Variants in DCUN1D4 observed in about 807,000 individuals in gnomAD.
The protein encoded by DCUN1D4 is DCN1-like protein 4.
In DCUN1D4, 22 loss-of-function variants were observed where a neutral mutation model predicts 47.9. The ratio of observed to expected loss-of-function variants is 0.46; its 90% CI spans 0.33 to 0.66. DCUN1D4 has a LOEUF of 0.66. Among genes scored for constraint, DCUN1D4 ranks in the 30% least tolerant of loss-of-function variants. The pLI is 0.02. For synonymous variants in DCUN1D4, 121 were observed against 112.2 expected, an observed-to-expected ratio of 1.08 and a Z score of -0.50; for missense variants, 301 against 340.8, an observed-to-expected ratio of 0.88 and a Z score of 0.92.
In DCUN1D4 at chr4:51,916,788, A is replaced by G. The variant is rs1227173906; in HGVS notation, c.*3204A>G. 6.6e-6 allele frequency: 1 copy of G among 152,610 alleles called. No homozygotes were observed. Among genetic ancestry groups the G allele is most frequent in the Non-Finnish European group, 1.5e-5 (1 of 68,006 alleles). 9.5% of individuals were successfully genotyped at this position (152,610 alleles called of 1,614,324 possible). ...CTGGTTTTAGGTTTCAATGACATTGATGTAAAATGATATCCCATGAATAAA... is the reference window on the plus strand; with the variant it reads ...CTGGTTTTAGGTTTCAATGACATTGGTGTAAAATGATATCCCATGAATAAA... On this transcript the variant is annotated 3_prime_UTR_variant, in exon 11 of 11. Coordinates refer to ENST00000334635, the MANE Select transcript of DCUN1D4 (RefSeq NM_001040402.3).
intron 8 of DCUN1D4, among the ~76,000 whole-genome samples, chr4:51,906,784 C>T (rs1284020899): frequency 2.0e-5 from 3 of 152,188 alleles, no homozygotes; most frequent in Non-Finnish European, 4.4e-5. Context: ...AGCCCACTGG[C>T]CTGTATGTTT....
Position 51,899,286 on chromosome 4 carries a change from A to G in DCUN1D4, c.523A>G (p.Lys175Glu). ...MTSLQCDTTE[K>E]LRNTLDYLRS... ...TTTTTCTAGATGTGATACAACAGAA[A>G]AACTCAGAAATACTTTGGATTACTT... The change falls in exon 8 of 11, where the codon AAA (lysine) becomes GAA (glutamate). Residue 175 changes from lysine (K) to glutamate (E), a missense_variant. By Grantham distance (56) the Lys-to-Glu change is moderately conservative. Coordinates refer to ENST00000334635, the MANE Select transcript of DCUN1D4 (RefSeq NM_001040402.3). 1 of 1,603,340 alleles carries G rather than the reference A, an allele frequency of 6.2e-7. No individual in the cohort carries two copies. The highest frequency in any genetic ancestry group is 8.5e-7 in the Non-Finnish European group (1 of 1,176,824).
intron 5 of DCUN1D4, among the ~76,000 whole-genome samples, chr4:51,879,784 A>C: frequency 6.6e-6 from 1 of 152,226 alleles, no homozygotes; most frequent in Non-Finnish European, 1.5e-5. Context: ...GAAAAAGTAC[A>C]CTTAATCCCA....
In DCUN1D4 at chr4:51,877,930, A is replaced by T. The variant is rs191797916; in HGVS notation, c.343+76A>T. 1,735 of 1,036,094 alleles carry T rather than the reference A, an allele frequency of 1.7e-3. 7 individuals are homozygous for T. The highest frequency in any genetic ancestry group is 0.013 in the African/African-American group (824 of 61,454). The allele number at this position is 1,036,094 out of a possible 1,614,324, so 64.2% of individuals were successfully genotyped here. A position where few individuals can be genotyped will look rare whatever the true frequency, so the allele number is the denominator to read the frequency against. ...TACCTTAGAGATGATTAAAGAATTT[A>T]AAAATGTGTACATTTCAAATTTGGG... is the stretch of plus-strand genomic sequence containing the variant. On this transcript the variant is annotated intron_variant, in intron 5 of 10. Coordinates refer to ENST00000334635, the MANE Select transcript of DCUN1D4 (RefSeq NM_001040402.3).
chr4:51,898,508 G>A (rs1386665562), intron 7 of DCUN1D4, among the ~76,000 whole-genome samples: 4 of 152,216 alleles, frequency 2.6e-5, no homozygotes. Flanking sequence ...GACATTTATA[G>A]TCTCAAAGTA....
the DCUN1D4 span, among the ~76,000 whole-genome samples, chr4:51,835,119 G>A: frequency 1.3e-5 from 2 of 152,194 alleles, no homozygotes; most frequent in African/African-American, 4.8e-5. Flanking sequence ...AATCTGTGTT[G>A]GGGATGCAGG....
chr4:51,910,438 C>T (rs1185211666), intron 8 of DCUN1D4, among the ~76,000 whole-genome samples: 1 of 152,086 alleles, frequency 6.6e-6, no homozygotes, highest in African/African-American at 2.4e-5. Context: ...TCTAAGAAAT[C>T]TATCTATCTA....
chr4:51,863,806 C>T, intron 3 of DCUN1D4, 97 bp downstream of exon 3: 1 of 1,271,172 alleles, frequency 7.9e-7, no homozygotes, highest in Non-Finnish European at 1.1e-6. Context: ...TCATAATGTA[C>T]TCCATTAACA....
In DCUN1D4 at chr4:51,913,302, A is replaced by G; in HGVS notation, c.733A>G (p.Lys245Glu). The G allele has an allele frequency of 6.2e-7, 1 of 1,606,426 alleles. No individual in the cohort carries two copies. The highest frequency in any genetic ancestry group is 8.5e-7 in the Non-Finnish European group (1 of 1,175,220). The change falls in exon 10 of 11, where the codon AAA becomes GAA. Residue 245 changes from lysine to glutamate, a missense_variant. Physicochemically the swap from Lys to Glu is moderately conservative, Grantham distance 56 (BLOSUM62 1). Transcript: ENST00000334635. ...TTCCCTCCATCAGCAATCAAAATAC[A>G]AAGTTATTAATAAAGACCAGTGGTG... ...FHQFLEQSKY[K>E]VINKDQWCNV...
intron 7 of DCUN1D4, among the ~76,000 whole-genome samples, chr4:51,894,199 A>G (rs1049364794): frequency 6.6e-6 from 1 of 152,194 alleles, no homozygotes. Flanking sequence ...TTTTTGTGGT[A>G]TGAAACTCTG....
intron 1 of DCUN1D4, 111 bp downstream of exon 1, chr4:51,843,378 C>T: frequency 7.3e-7 from 1 of 1,374,998 alleles, no homozygotes; most frequent in Non-Finnish European, 9.5e-7. Context: ...CGCCGGGAGC[C>T]CCTGCCTGGG....
intron 4 of DCUN1D4, 36 bp from the exon 5 acceptor site, chr4:51,877,727 C>T (rs1293526191): frequency 4.4e-6 from 6 of 1,368,604 alleles, no homozygotes; most frequent in South Asian, 1.2e-5. Context: ...AACTCAGTAT[C>T]TTTAAATAAC....
chr4:51,904,851 T>C (rs1210158699), intron 8 of DCUN1D4, among the ~76,000 whole-genome samples: 1 of 152,182 alleles, frequency 6.6e-6, no homozygotes, highest in Non-Finnish European at 1.5e-5. Context: ...GAGGTAAAAC[T>C]CAATTAACCA....
rs1731758846 is a variant in DCUN1D4, at chr4:51,899,392, A to T, written c.615+14A>T. The T allele has an allele frequency of 6.3e-7, 1 of 1,594,830 alleles. No individual in the cohort carries two copies. Among genetic ancestry groups the T allele is most frequent in the Non-Finnish European group, 8.5e-7 (1 of 1,171,310 alleles). On this transcript the variant is annotated intron_variant, in intron 8 of 10. Transcript: ENST00000334635. ...GACTTTGCACGGGTGAGTTCTCTGG[A>T]GCCTATCCAGATGTTTCCCTCTCTT...
In DCUN1D4 at chr4:51,853,931, G is replaced by A. The variant is rs75552905; in HGVS notation, c.26-9506G>A. On this transcript the variant is annotated intron_variant, in intron 1 of 10. Coordinates refer to ENST00000334635, the MANE Select transcript of DCUN1D4 (RefSeq NM_001040402.3). ...TAGTGCTTCCCCTGTGCCACGCACT[G>A]TTTGAAGCACAGTGCAGCATTAACT... 9.3e-3 allele frequency among the ~76,000 whole-genome samples: 1,422 copies of A among 152,308 alleles called. 9 individuals are homozygous for A. Among genetic ancestry groups the A allele is most frequent in the Non-Finnish European group, 0.013 (868 of 68,034 alleles).
intron 1 of DCUN1D4, among the ~76,000 whole-genome samples, chr4:51,857,519 G>A (rs1724320916): frequency 6.6e-6 from 1 of 152,212 alleles, no homozygotes; most frequent in South Asian, 2.1e-4. Context: ...CCTGTACAGA[G>A]TTTGGTGGAA....
At chr4:51,896,757 T>G (rs1334359494) in intron 7 of DCUN1D4, among the ~76,000 whole-genome samples, 2 of 152,112 alleles carry the variant, frequency 1.3e-5, no homozygotes, top group African/African-American at 4.8e-5. Context: ...TCTCAATATC[T>G]CTTTTCCTTC....
At position 51,848,276 on chromosome 4, in the gene DCUN1D4, G is replaced by A. The variant is rs77810126; in HGVS notation, c.25+5009G>A. The A allele has an allele frequency of 3.2e-4, 411 of 1,289,284 alleles. No individual in the cohort carries two copies. The African/African-American group carries it at 5.8e-3, about 18-fold the overall frequency. 79.9% of individuals were successfully genotyped at this position (1,289,284 alleles called of 1,614,324 possible). On this transcript the variant is annotated intron_variant, in intron 1 of 10. Coordinates refer to ENST00000334635, the MANE Select transcript of DCUN1D4 (RefSeq NM_001040402.3). ...GTAAAATGCTGGTGATGTGCTGAGG[G>A]AACAGAAGGAGTGTTTGTGAATGTG...
At chr4:51,888,480 C>T (rs1233744672) in intron 6 of DCUN1D4, among the ~76,000 whole-genome samples, 1 of 152,184 alleles carries the variant, frequency 6.6e-6, no homozygotes, top group Non-Finnish European at 1.5e-5. Context: ...ATGGCTCACG[C>T]CTGTAATCCC....
Sources: gnomAD v4.1 joint callset for allele counts (sites outside exome capture counted in the v4.1 genomes callset) on GRCh38, gnomAD v4.1.1 for gene constraint, MANE v1.5 for transcripts, NCBI Gene and HGNC (gene_info 2026-07-23, HGNC 2026-07-21) for gene names.